ZFYVE28: variants seen among roughly 807,000 people sequenced by gnomAD.
ZFYVE28 encodes the protein zinc finger FYVE-type containing 28.
A neutral mutation model predicts 82.1 loss-of-function variants in ZFYVE28; 40 were observed. The observed-to-expected ratio is 0.49, with a 90% CI of 0.38 to 0.63. The LOEUF is 0.63. ZFYVE28 is among the 30% of genes least tolerant of loss of function. The pLI is 0.00. For missense variants in ZFYVE28, 1,321 were observed against 1,242.1 expected (o/e 1.06, Z -0.96); for synonymous variants, 612 against 546.1 (o/e 1.12, Z -1.68).
intron 1 of ZFYVE28, among the ~76,000 whole-genome samples, chr4:2,401,494 C>T (rs1731170371): frequency 6.6e-6 from 1 of 152,190 alleles, no homozygotes; most frequent in African/African-American, 2.4e-5. Context: ...CTGTCCTAAC[C>T]ACAGGGTGCT....
chr4:2,275,075 G>T (rs986266656), intron 8 of ZFYVE28, among the ~76,000 whole-genome samples: 1 of 152,194 alleles, frequency 6.6e-6, no homozygotes, highest in Middle Eastern at 3.4e-3. Context: ...GGACCTCCAG[G>T]GGCCTCTGCA....
intron 1 of ZFYVE28, among the ~76,000 whole-genome samples, chr4:2,375,586 GC>G (rs1300016660): frequency 2.0e-5 from 3 of 152,226 alleles, no homozygotes; most frequent in African/African-American, 4.8e-5. Context: ...TGAGGAGGTA[GC>G]TTGCCCCACA....
intron 1 of ZFYVE28, among the ~76,000 whole-genome samples, chr4:2,395,201 TC>T (rs1257512149): frequency 1.1e-5 from 1 of 94,972 alleles, no homozygotes; most frequent in African/African-American, 3.5e-5. Context: ...CTCGGTTCCT[TC>T]TGCAGAGCAG....
chr4:2,405,846 G>C (rs537184206), intron 1 of ZFYVE28, among the ~76,000 whole-genome samples: 1 of 151,048 alleles, frequency 6.6e-6, no homozygotes, highest in Non-Finnish European at 1.5e-5. Flanking sequence ...TCAGGAGTTC[G>C]AGACCACCCT....
At chr4:2,395,038 A>G (rs1020882995) in intron 1 of ZFYVE28, among the ~76,000 whole-genome samples, 1 of 152,188 alleles carries the variant, frequency 6.6e-6, no homozygotes, top group African/African-American at 2.4e-5. Context: ...GGTGGCCTAC[A>G]GTGAAACCCC....
At chr4:2,411,623 G>A (rs750251243) in intron 1 of ZFYVE28, among the ~76,000 whole-genome samples, 2 of 152,176 alleles carry the variant, frequency 1.3e-5, no homozygotes. Flanking sequence ...GGGGTCCCGC[G>A]GACAGGAGTG....
chr4:2,299,532 C>T (rs1490132875), intron 8 of ZFYVE28, among the ~76,000 whole-genome samples: 1 of 141,032 alleles, frequency 7.1e-6, no homozygotes, highest in Non-Finnish European at 1.5e-5. Flanking sequence ...CACAGGAGGA[C>T]AGCTTGAGCC....
Position 2,304,750 on chromosome 4 carries a change from C to A in ZFYVE28, c.1590G>T (p.Ala530=), listed in dbSNP as rs772507744. Residue 530 remains alanine (A), a synonymous_variant, in exon 8 of 13, where the codon GCG becomes GCT. Transcript: ENST00000290974. ...CCGAGGCGGCCTCCTGGGTGGCGAC[C>A]GCAGAGTCCAGGGAAGTGGGCGATT... ...NPKSPTSLDS[A]VATQEAASEP... is the part of the protein sequence containing the mutation. 1.4e-5 allele frequency: 22 copies of A among 1,612,584 alleles called. No homozygotes were observed. Among genetic ancestry groups the A allele is most frequent in the Non-Finnish European group, 1.9e-5 (22 of 1,179,964 alleles).
intron 8 of ZFYVE28, among the ~76,000 whole-genome samples, chr4:2,284,686 A>G (rs1577896161): frequency 6.6e-6 from 1 of 151,560 alleles, no homozygotes; most frequent in Non-Finnish European, 1.5e-5. Flanking sequence ...CCTCACAAAG[A>G]CCTCCGGGGG....
At chr4:2,404,926 C>A (rs967702482) in intron 1 of ZFYVE28, among the ~76,000 whole-genome samples, 1 of 138,574 alleles carries the variant, frequency 7.2e-6, no homozygotes, top group African/African-American at 2.8e-5. Flanking sequence ...AGTGCAGTGG[C>A]ACAGTCGTAG....
chr4:2,271,791 G>C lies in ZFYVE28; in HGVS notation c.2324-12C>G, dbSNP rs1735934106. On this transcript the variant is annotated splice_polypyrimidine_tract_variant and intron_variant, in intron 10 of 12. Transcript: ENST00000290974. ...CAGAGTCTGGGTGACTAGTGGAGAA[G>C]GGGGGCCGTCGGGGTATGGTGAGGG... 6.2e-7 allele frequency: 1 copy of C among 1,611,808 alleles called. No homozygotes were observed.
chr4:2,411,657 T>G (rs1404537947), intron 1 of ZFYVE28, among the ~76,000 whole-genome samples: 1 of 152,220 alleles, frequency 6.6e-6, no homozygotes. Context: ...TGCTTCCTCC[T>G]GGCTGTAGAG....
chr4:2,411,031 A>G (rs1382882198), intron 1 of ZFYVE28, among the ~76,000 whole-genome samples: 2 of 152,258 alleles, frequency 1.3e-5, no homozygotes, highest in Non-Finnish European at 2.9e-5. Context: ...ATCCAAAGAA[A>G]AAAACATTGC....
chr4:2,303,870 A>T (rs1165058196), intron 8 of ZFYVE28, among the ~76,000 whole-genome samples: 2 of 152,222 alleles, frequency 1.3e-5, no homozygotes, highest in Non-Finnish European at 2.9e-5. Flanking sequence ...AGAAGTGGGC[A>T]GTGCGCTCGG....
intron 1 of ZFYVE28, among the ~76,000 whole-genome samples, chr4:2,414,797 CAATCAATAGAA>C (rs1578439774): frequency 6.6e-6 from 1 of 152,324 alleles, no homozygotes; most frequent in East Asian, 1.9e-4. Flanking sequence ...CCAGCCAGGT[CAATCAATAGAA>C]AGTCATAACC....
At chr4:2,303,379 C>A (rs1715915188) in intron 8 of ZFYVE28, among the ~76,000 whole-genome samples, 2 of 152,292 alleles carry the variant, frequency 1.3e-5, no homozygotes. Flanking sequence ...CATCTGTGCC[C>A]CCCACCTTCA....
At chr4:2,361,866 TCA>T (rs1484669817) in intron 1 of ZFYVE28, among the ~76,000 whole-genome samples, 1 of 152,122 alleles carries the variant, frequency 6.6e-6, no homozygotes, top group Non-Finnish European at 1.5e-5. Context: ...GGCAGCAGCA[TCA>T]CAGTCTTGGC....
chr4:2,392,463 C>A (rs1729945062), intron 1 of ZFYVE28, among the ~76,000 whole-genome samples: 1 of 152,182 alleles, frequency 6.6e-6, no homozygotes, highest in South Asian at 2.1e-4. Context: ...AAAGTACAAT[C>A]ATGTTACATT....
At position 2,416,734 on chromosome 4, in the gene ZFYVE28, C is replaced by T. The variant is rs1402401479; in HGVS notation, c.39+1551G>A. Among the ~76,000 whole-genome samples the T allele has an allele frequency of 6.6e-6, 1 of 152,148 alleles. No homozygotes were observed. The highest frequency in any genetic ancestry group is 2.4e-5 in the African/African-American group (1 of 41,424). On this transcript the variant is annotated intron_variant, in intron 1 of 12. Transcript: ENST00000290974. The surrounding 1 kb of genome is among the most constrained non-coding windows in gnomAD (Gnocchi z 4.6). ...CAGGAAACGCAAGGCTCGGGACGAA[C>T]CCTTAAGAAGTCGCTGCTAGGGACA...
Sources: allele counts gnomAD v4.1 joint callset (sites outside exome capture counted in the v4.1 genomes callset), GRCh38; gene constraint gnomAD v4.1.1; non-coding constraint Gnocchi (gnomAD v3.1); transcripts MANE v1.5; gene names NCBI Gene and HGNC (gene_info 2026-07-23, HGNC 2026-07-21).